Variants in UGT1A9 observed in about 807,000 individuals in gnomAD.
UGT1A9 encodes UDP glucuronosyltransferase family 1 member A9.
Under a neutral mutation model 45.0 loss-of-function variants are expected in UGT1A9, and 35 were observed. The observed-to-expected ratio is 0.78, with a 90% CI of 0.59 to 1.03. The LOEUF is 1.03. UGT1A9 is among the 50% of genes least tolerant of loss of function. The pLI is 0.00. For missense variants in UGT1A9, 687 were observed against 666.6 expected (o/e 1.03, Z -0.34); for synonymous variants, 278 against 250.6 (o/e 1.11, Z -1.03).
rs189834319 is a variant in UGT1A9, at chr2:233,769,760, C to T, written c.1295+1321C>T. On this transcript the variant is annotated intron_variant, in intron 4 of 4. Transcript: ENST00000354728. The surrounding 1 kb of genome is among the most constrained non-coding windows in gnomAD (Gnocchi z 4.4). ...GTCCCAGCCACTCTGGAGGCTAAGG[C>T]GGGAGGATTGCTTGAGCCCAGAAGT... The T allele has an allele frequency of 8.3e-4, 1,153 of 1,396,052 alleles. 4 individuals are homozygous for T. The African/African-American group carries it at 9.8e-3, about 12-fold the overall frequency. 86.5% of individuals were successfully genotyped at this position (1,396,052 alleles called of 1,614,324 possible).
chr2:233,737,711 C>T (rs2078913752), intron 1 of UGT1A9, among the ~76,000 whole-genome samples: 1 of 152,172 alleles, frequency 6.6e-6, no homozygotes, highest in Admixed American at 6.5e-5. Flanking sequence ...GTTCTCCTCT[C>T]CAACACCTCC....
intron 1 of UGT1A9, among the ~76,000 whole-genome samples, chr2:233,751,378 C>A (rs1694710024): frequency 2.0e-5 from 3 of 152,054 alleles, no homozygotes; most frequent in Non-Finnish European, 2.9e-5. Context: ...AAGGGACTTG[C>A]CTTGTCTCAG....
intron 1 of UGT1A9, among the ~76,000 whole-genome samples, chr2:233,727,898 G>T (rs1417233158): frequency 6.6e-6 from 1 of 152,198 alleles, no homozygotes; most frequent in Admixed American, 6.5e-5. Flanking sequence ...ACACGGCCAG[G>T]CAAGAAGACA....
At chr2:233,721,606 C>T (rs1043491978) in intron 1 of UGT1A9, 10 of 177,852 alleles carry the variant, frequency 5.6e-5, no homozygotes, top group Middle Eastern at 2.3e-3. Flanking sequence ...GGTTTAGGAA[C>T]AATTTGTTCC....
At chr2:233,688,572 T>C (rs2074901486) in intron 1 of UGT1A9, among the ~76,000 whole-genome samples, 1 of 152,172 alleles carries the variant, frequency 6.6e-6, no homozygotes, top group African/African-American at 2.4e-5. Context: ...CAAACATGAG[T>C]TCATCTTGTT....
At chr2:233,737,335 G>C (rs558771820) in intron 1 of UGT1A9, among the ~76,000 whole-genome samples, 1 of 152,354 alleles carries the variant, frequency 6.6e-6, no homozygotes, top group African/African-American at 2.4e-5. Context: ...CAGTGAGCAA[G>C]GCTCCGTGGG....
At chr2:233,746,652 G>C (rs889917694) in intron 1 of UGT1A9, among the ~76,000 whole-genome samples, 17 of 151,768 alleles carry the variant, frequency 1.1e-4, no homozygotes, top group African/African-American at 3.7e-4. Context: ...TTGGCTTTCT[G>C]TCCCGAGTTC....
chr2:233,719,283 A>C (rs760908491), intron 1 of UGT1A9: 35 of 1,613,936 alleles, frequency 2.2e-5, no homozygotes, highest in Admixed American at 5.0e-5. Flanking sequence ...AGACCCCGTT[A>C]ACCTCTGTGG....
intron 1 of UGT1A9, among the ~76,000 whole-genome samples, chr2:233,716,167 C>T (rs747584906): frequency 6.6e-6 from 1 of 152,132 alleles, no homozygotes; most frequent in African/African-American, 2.4e-5. Flanking sequence ...AGATGCAGTG[C>T]AGCATCTTCA....
At chr2:233,697,436 T>A (rs981508873) in intron 1 of UGT1A9, among the ~76,000 whole-genome samples, 1 of 152,032 alleles carries the variant, frequency 6.6e-6, no homozygotes, top group African/African-American at 2.4e-5. Flanking sequence ...CCTTTTTCAT[T>A]TCTGATTTTA....
At chr2:233,681,113 G>A (rs1232765973) in intron 1 of UGT1A9, among the ~76,000 whole-genome samples, 1 of 151,666 alleles carries the variant, frequency 6.6e-6, no homozygotes, top group Non-Finnish European at 1.5e-5. Context: ...AGTGAGCTGT[G>A]TATTGCAGAG....
chr2:233,727,319 C>A (rs1000765944), intron 1 of UGT1A9, among the ~76,000 whole-genome samples: 1 of 152,168 alleles, frequency 6.6e-6, no homozygotes, highest in Non-Finnish European at 1.5e-5. Flanking sequence ...GTTTCCCAGG[C>A]ACCAGGAGCT....
intron 1 of UGT1A9, chr2:233,743,754 C>A (rs547258685): frequency 7.3e-7 from 1 of 1,367,378 alleles, no homozygotes; most frequent in Admixed American, 1.9e-5. Flanking sequence ...TCCGACAACA[C>A]CTCGTAGGCC....
At chr2:233,676,264 C>A (rs949142906) in intron 1 of UGT1A9, among the ~76,000 whole-genome samples, 1 of 152,176 alleles carries the variant, frequency 6.6e-6, no homozygotes, top group Non-Finnish European at 1.5e-5. Context: ...TGATGAATCA[C>A]CCCTGTGTGC....
At chr2:233,719,554 T>C in intron 1 of UGT1A9, 1 of 1,613,912 alleles carries the variant, frequency 6.2e-7, no homozygotes. Context: ...GAGGTGTCAG[T>C]GGTGGATCTT....
chr2:233,732,685 AC>A (rs1163255557), intron 1 of UGT1A9, among the ~76,000 whole-genome samples: 1 of 150,632 alleles, frequency 6.6e-6, no homozygotes, highest in African/African-American at 2.4e-5. Context: ...TGGTACCAGC[AC>A]CCATGCTGTT....
intron 1 of UGT1A9, among the ~76,000 whole-genome samples, chr2:233,694,304 GT>G (rs35761222): frequency 2.1e-4 from 30 of 145,430 alleles, no homozygotes; most frequent in East Asian, 4.0e-4. Flanking sequence ...CCTGTTTTTT[GT>G]TTTTTTTTTT....
chr2:233,768,589 T>C (rs1575835871), intron 4 of UGT1A9, 150 bp downstream of exon 4: 6 of 1,048,606 alleles, frequency 5.7e-6, no homozygotes, highest in East Asian at 7.5e-5. Flanking sequence ...CTTCTTTTTT[T>C]TTTTTTTTTT....
intron 1 of UGT1A9, among the ~76,000 whole-genome samples, chr2:233,754,056 T>C (rs963446161): frequency 1.3e-5 from 2 of 152,238 alleles, no homozygotes; most frequent in Non-Finnish European, 2.9e-5. Context: ...TTTACCTGCT[T>C]TTATAAAGCC....
Sources: allele counts gnomAD v4.1 joint callset (sites outside exome capture counted in the v4.1 genomes callset), GRCh38; gene constraint gnomAD v4.1.1; non-coding constraint Gnocchi (gnomAD v3.1); transcripts MANE v1.5; gene names NCBI Gene and HGNC (gene_info 2026-07-23, HGNC 2026-07-21).